FOCAD: variants seen among roughly 807,000 people sequenced by gnomAD.
The protein encoded by FOCAD is focadhesin.
Under a neutral mutation model 225.6 loss-of-function variants are expected in FOCAD, and 198 were observed. The observed-to-expected ratio is 0.88, with a 90% CI of 0.78 to 0.99. The LOEUF (loss-of-function observed/expected upper bound fraction) is 0.99. Ranked by LOEUF, FOCAD falls within the 50% of genes least tolerant of loss-of-function variation. The probability of loss-of-function intolerance (pLI) is 0.00; values close to 1 mark genes in which losing one functional copy is unlikely to be tolerated. For synonymous variants in FOCAD, 897 were observed against 755.0 expected (o/e 1.19, Z -3.08); for missense variants, 2,713 against 2,123.6 (o/e 1.28, Z -5.46).
chr9:20,854,213 A>G (rs1409305806), intron 15 of FOCAD, among the ~76,000 whole-genome samples: 2 of 151,808 alleles, frequency 1.3e-5, no homozygotes, highest in Non-Finnish European at 3.0e-5. Flanking sequence ...ATTAGGAGAT[A>G]GCTCTCTGTT....
chr9:20,747,841 T>TTA (rs1828186763), intron 5 of FOCAD, among the ~76,000 whole-genome samples: 2 of 151,746 alleles, frequency 1.3e-5, no homozygotes, highest in Non-Finnish European at 2.9e-5. Flanking sequence ...TTTTTGCCTT[T>TTA]TATATATATT....
chr9:20,818,484 T>G (rs1408196866), intron 11 of FOCAD, among the ~76,000 whole-genome samples: 1 of 152,164 alleles, frequency 6.6e-6, no homozygotes, highest in African/African-American at 2.4e-5. Flanking sequence ...TTTAAGAGTG[T>G]TATAGTTTTA....
intron 37 of FOCAD, among the ~76,000 whole-genome samples, 185 bp downstream of exon 37, chr9:20,978,639 C>CTA (rs1169559732): frequency 6.6e-6 from 1 of 152,232 alleles, no homozygotes; most frequent in East Asian, 1.9e-4. Context: ...CTGCCATAGC[C>CTA]ATTACCGTTC....
intron 1 of FOCAD, among the ~76,000 whole-genome samples, chr9:20,696,863 T>C (rs766600380): frequency 2.0e-5 from 3 of 152,112 alleles, no homozygotes; most frequent in Non-Finnish European, 4.4e-5. Context: ...GAGGTGGAAT[T>C]GTTAAGAGGT....
chr9:20,721,908 CCTT>C (rs1825806073), intron 4 of FOCAD, among the ~76,000 whole-genome samples: 1 of 61,388 alleles, frequency 1.6e-5, no homozygotes, highest in Non-Finnish European at 3.2e-5. Context: ...CCCTCCCTTT[CCTT>C]TTCCTTCCCC....
chr9:20,824,145 G>A (rs1030655658), intron 15 of FOCAD, among the ~76,000 whole-genome samples: 5 of 152,096 alleles, frequency 3.3e-5, no homozygotes, highest in African/African-American at 9.7e-5. Flanking sequence ...TTAATGGCAA[G>A]GGGCTATTAT....
intron 21 of FOCAD, chr9:20,896,926 T>A (rs1832138246): frequency 6.6e-6 from 1 of 151,828 alleles, no homozygotes; most frequent in African/African-American, 2.4e-5. Context: ...TGATGGTGTT[T>A]TTGAGTTCAA....
At chr9:20,766,907 G>A (rs909061270) in intron 7 of FOCAD, among the ~76,000 whole-genome samples, 7 of 151,836 alleles carry the variant, frequency 4.6e-5, no homozygotes, top group Non-Finnish European at 7.4e-5. Flanking sequence ...CATGTGCCAT[G>A]CTGGTGCACT....
chr9:20,975,761 T>C (rs1175787810), intron 35 of FOCAD, among the ~76,000 whole-genome samples: 2 of 152,132 alleles, frequency 1.3e-5, no homozygotes, highest in Non-Finnish European at 2.9e-5. Flanking sequence ...CCTGGAGAAC[T>C]CATGTTAAGT....
At chr9:20,828,523 G>A (rs1344307047) in intron 15 of FOCAD, among the ~76,000 whole-genome samples, 1 of 152,046 alleles carries the variant, frequency 6.6e-6, no homozygotes, top group Non-Finnish European at 1.5e-5. Context: ...ATTTTCCATA[G>A]TGGTTGTGCA....
intron 16 of FOCAD, chr9:20,863,520 A>G (rs144421565): frequency 2.9e-4 from 44 of 152,170 alleles, no homozygotes; most frequent in Non-Finnish European, 5.6e-4. Flanking sequence ...TACAATACCT[A>G]TCACAGTACC....
At chr9:20,856,062 A>G (rs190055757) in intron 15 of FOCAD, among the ~76,000 whole-genome samples, 2 of 151,920 alleles carry the variant, frequency 1.3e-5, no homozygotes, top group East Asian at 3.9e-4. Context: ...GGGAATGCAG[A>G]TATCTCTTTG....
intron 2 of FOCAD, among the ~76,000 whole-genome samples, chr9:20,668,241 A>C (rs564866852): frequency 6.6e-6 from 1 of 152,264 alleles, no homozygotes; most frequent in African/African-American, 2.4e-5. Flanking sequence ...TTTAATCATA[A>C]GGGGGAAAAT....
chr9:20,668,687 A>C (rs1312874366), intron 2 of FOCAD, among the ~76,000 whole-genome samples: 1 of 152,214 alleles, frequency 6.6e-6, no homozygotes, highest in African/African-American at 2.4e-5. Flanking sequence ...GTCTCTGAGG[A>C]GGTCACCTTC....
At chr9:20,818,734 A>G (rs1051406940) in intron 11 of FOCAD, among the ~76,000 whole-genome samples, 3 of 152,050 alleles carry the variant, frequency 2.0e-5, no homozygotes, top group African/African-American at 7.2e-5. Context: ...TTGTCTTTCT[A>G]ATCTTATGCC....
intron 15 of FOCAD, among the ~76,000 whole-genome samples, chr9:20,832,203 G>T (rs1825565948): frequency 6.6e-6 from 1 of 151,846 alleles, no homozygotes; most frequent in South Asian, 2.1e-4. Context: ...GTATATCTAA[G>T]AGTGGAATTG....
intron 2 of FOCAD, among the ~76,000 whole-genome samples, chr9:20,667,540 G>C (rs534079878): frequency 2.9e-4 from 44 of 152,276 alleles, no homozygotes; most frequent in Middle Eastern, 3.4e-3. Flanking sequence ...TCACATCCCT[G>C]ACAAAGGAAT....
intron 5 of FOCAD, among the ~76,000 whole-genome samples, chr9:20,749,823 C>G (rs556664837): frequency 6.6e-6 from 1 of 152,110 alleles, no homozygotes; most frequent in Non-Finnish European, 1.5e-5. Context: ...ATAACTTTTG[C>G]TTTTTGATTT....
At chr9:20,932,727 A>G (rs1447766352) in intron 27 of FOCAD, among the ~76,000 whole-genome samples, 1 of 152,158 alleles carries the variant, frequency 6.6e-6, no homozygotes, top group Non-Finnish European at 1.5e-5. Context: ...TTATTTTTCA[A>G]TGGCTTAAAA....
Sources: allele counts gnomAD v4.1 joint callset (sites outside exome capture counted in the v4.1 genomes callset), GRCh38; gene constraint gnomAD v4.1.1; transcripts MANE v1.5; gene names NCBI Gene and HGNC (gene_info 2026-07-23, HGNC 2026-07-21).